The following VAMP8 variants were observed in gnomAD, a reference collection of about 807,000 sequenced individuals.
The protein encoded by VAMP8 is vesicle associated membrane protein 8, also known as vesicle-associated membrane protein 8.
A neutral mutation model predicts 11.4 loss-of-function variants in VAMP8; 9 were observed. That is an observed-to-expected ratio of 0.79 (90% CI 0.48 to 1.38). VAMP8 has a LOEUF of 1.38. VAMP8 is among the 40% of genes most tolerant of loss of function. The probability of loss-of-function intolerance (pLI) is 0.00; values close to 1 mark genes in which losing one functional copy is unlikely to be tolerated. For synonymous variants in VAMP8, 42 were observed against 44.7 expected (o/e 0.94, Z 0.24); for missense variants, 108 against 127.8 (o/e 0.85, Z 0.75).
chr2:85,581,108 G>C (rs1210797887), intron 2 of VAMP8, among the ~76,000 whole-genome samples: 2 of 152,176 alleles, frequency 1.3e-5, no homozygotes, highest in African/African-American at 4.8e-5. Context: ...TTGAGCCCTG[G>C]AGATGGAAGC....
Position 85,581,947 on chromosome 2 carries a change from T to G in VAMP8, c.*231T>G. 1.8e-6 allele frequency: 1 copy of G among 571,178 alleles called. No individual in the cohort carries two copies. The highest frequency in any genetic ancestry group is 3.0e-6 in the Non-Finnish European group (1 of 330,538). The allele number at this position is 571,178 out of a possible 1,614,324, so 35.4% of individuals were successfully genotyped here. A position where few individuals can be genotyped will look rare whatever the true frequency, so the allele number is the denominator to read the frequency against. ...GGCTGCATTTCTTGGGTCCTTAGAG[T>G]GGGCTGGAGAGACCTAGAGGGCCCA... On this transcript the variant is annotated 3_prime_UTR_variant, in exon 3 of 3. Transcript: ENST00000263864.
In VAMP8 at chr2:85,581,564, T is replaced by A; in HGVS notation, c.163-12T>A. ...AGCCACTGGGTCACTCACTCTGCCT[T>A]TTCCCCAACAGTCTGAGCACTTCAA... On this transcript the variant is annotated splice_polypyrimidine_tract_variant and intron_variant, in intron 2 of 2. Coordinates refer to ENST00000263864, the MANE Select transcript of VAMP8 (RefSeq NM_003761.5). The A allele has an allele frequency of 6.2e-7, 1 of 1,613,972 alleles. No individual in the cohort carries two copies. The highest frequency in any genetic ancestry group is 1.1e-5 in the South Asian group (1 of 91,078).
rs577290122 is a variant in VAMP8, at chr2:85,581,892, G to A, written c.*176G>A. ...GCCCCAGAAGGTACCTTGGTCCCCC[G>A]GAAGGAGAGAAAAAAGAGAGATGGA... On this transcript the variant is annotated 3_prime_UTR_variant, in exon 3 of 3. Coordinates refer to ENST00000263864, the MANE Select transcript of VAMP8 (RefSeq NM_003761.5). 109 of 832,886 alleles carry A rather than the reference G, an allele frequency of 1.3e-4. No individual in the cohort carries two copies. The African/African-American group carries it at 1.6e-3, about 12-fold the overall frequency. 51.6% of individuals were successfully genotyped at this position (832,886 alleles called of 1,614,324 possible). A position where few individuals can be genotyped will look rare whatever the true frequency, so the allele number is the denominator to read the frequency against.
rs1234303326 is a variant in VAMP8, at chr2:85,579,041, T to G, written c.36T>G (p.Arg12=). The part of the protein sequence containing the change: ...EEASEGGGND[R]VRNLQSEVEG... ...CCAGTGAAGGTGGAGGAAATGATCG[T>G]GTGCGGAACCTGCAAAGTGAGGTGG... The change falls in exon 2 of 3, where the codon CGT becomes CGG. Residue 12 remains arginine, a synonymous_variant. Transcript: ENST00000263864. 2 of 1,607,652 alleles carry G rather than the reference T, an allele frequency of 1.2e-6. No homozygotes were observed. Among genetic ancestry groups the G allele is most frequent in the South Asian group, 1.1e-5 (1 of 89,854 alleles).
At chr2:85,580,100 A>AC (rs1000301061) in intron 2 of VAMP8, among the ~76,000 whole-genome samples, 4 of 151,550 alleles carry the variant, frequency 2.6e-5, no homozygotes, top group Non-Finnish European at 4.4e-5. Flanking sequence ...TACAGTGTGC[A>AC]CCCCCACACC....
chr2:85,579,420 G>A (rs1030462140), intron 2 of VAMP8, among the ~76,000 whole-genome samples: 14 of 152,312 alleles, frequency 9.2e-5, no homozygotes, highest in Admixed American at 5.2e-4. Flanking sequence ...TTCTGAGACC[G>A]AAAGCTCAGT....
chr2:85,581,541 C>T lies in VAMP8; in HGVS notation c.163-35C>T, dbSNP rs200218524. Reference sequence around the variant, plus strand: ...TATAATCTTGTTCCAGTGGGAGGAGCCACTGGGTCACTCACTCTGCCTTTT... The same window carrying T: ...TATAATCTTGTTCCAGTGGGAGGAGTCACTGGGTCACTCACTCTGCCTTTT... On this transcript the variant is annotated intron_variant, in intron 2 of 2. Coordinates refer to ENST00000263864, the MANE Select transcript of VAMP8 (RefSeq NM_003761.5). 3.7e-6 allele frequency: 6 copies of T among 1,612,394 alleles called. No individual in the cohort carries two copies. In the Admixed American group the frequency reaches 1.0e-4, roughly 27 times the overall value.
At chr2:85,579,766 A>G in intron 2 of VAMP8, 1 of 1,550,766 alleles carries the variant, frequency 6.4e-7, no homozygotes, top group Non-Finnish European at 8.7e-7. Context: ...CAGCTGTTTC[A>G]GGGAGGAAGT....
rs1369436696 is a variant in VAMP8 at position 85,578,925 on chromosome 2, G to A, written c.4-84G>A. On this transcript the variant is annotated intron_variant, in intron 1 of 2. Transcript: ENST00000263864. The stretch of plus-strand genomic sequence containing the variant: ...TTTTACAAAAAGCTTAAGTCTGCCT[G>A]AGGCCTTACCCTCCCCAGATCTCTG... 19 of 1,451,616 alleles carry A rather than the reference G, an allele frequency of 1.3e-5. No homozygotes were observed. In the East Asian group the frequency reaches 2.7e-4, roughly 21 times the overall value. 89.9% of individuals were successfully genotyped at this position (1,451,616 alleles called of 1,614,324 possible).
rs1385643902 is a variant in VAMP8, at chr2:85,579,050, C to G, written c.45C>G (p.Asn15Lys). 7.5e-6 allele frequency: 12 copies of G among 1,608,242 alleles called. No homozygotes were observed. Among genetic ancestry groups the G allele is most frequent in the Non-Finnish European group, 1.0e-5 (12 of 1,177,058 alleles). Residue 15 changes from asparagine (N) to lysine (K), a missense_variant, in exon 2 of 3, where the codon AAC becomes AAG. Asn to Lys is a moderately conservative substitution (Grantham distance 94). Transcript: ENST00000263864. ...SEGGGNDRVR[N>K]LQSEVEGVKN... ...GTGGAGGAAATGATCGTGTGCGGAACCTGCAAAGTGAGGTGGAGGGAGTTA... is the reference window on the plus strand; with the variant it reads ...GTGGAGGAAATGATCGTGTGCGGAAGCTGCAAAGTGAGGTGGAGGGAGTTA...
chr2:85,579,687 G>T (rs895973683), intron 2 of VAMP8: 14 of 1,536,096 alleles, frequency 9.1e-6, no homozygotes, highest in Non-Finnish European at 1.1e-5. Context: ...CTAGATGAAG[G>T]CTAAAATAAT....
intron 2 of VAMP8, among the ~76,000 whole-genome samples, chr2:85,580,101 C>A (rs538369555): frequency 6.6e-6 from 1 of 152,058 alleles, no homozygotes; most frequent in South Asian, 2.1e-4. Context: ...ACAGTGTGCA[C>A]CCCCACACCT....
intron 2 of VAMP8, 115 bp from the exon 3 acceptor site, chr2:85,581,461 G>C: frequency 7.6e-7 from 1 of 1,310,556 alleles, no homozygotes; most frequent in Non-Finnish European, 1.0e-6. Flanking sequence ...GACAGAGCGA[G>C]ACTCCATCTC....
chr2:85,580,128 T>C (rs899334812), intron 2 of VAMP8, among the ~76,000 whole-genome samples: 1 of 152,058 alleles, frequency 6.6e-6, no homozygotes, highest in Middle Eastern at 3.2e-3. Flanking sequence ...TTTTTTGTAT[T>C]TTTAGTAGAG....
Position 85,577,621 on chromosome 2 carries a change from C to T in VAMP8, c.-26C>T, listed in dbSNP as rs1373988372. 1.3e-5 allele frequency: 20 copies of T among 1,551,908 alleles called. No individual in the cohort carries two copies. Among genetic ancestry groups the T allele is most frequent in the Non-Finnish European group, 1.7e-5 (19 of 1,147,250 alleles). ...GAAGCCGACTAGGCGAATTCACTTA[C>T]TGACCGGCCTGGGCTGCTCTGAGAC... is the stretch of plus-strand genomic sequence containing the variant. On this transcript the variant is annotated 5_prime_UTR_variant, in exon 1 of 3. Transcript: ENST00000263864.
Position 85,579,055 on chromosome 2 carries a change from A to G in VAMP8, c.50A>G (p.Gln17Arg). 2 of 1,608,726 alleles carry G rather than the reference A, an allele frequency of 1.2e-6. No individual in the cohort carries two copies. Among genetic ancestry groups the G allele is most frequent in the Non-Finnish European group, 1.7e-6 (2 of 1,177,226 alleles). ...GGAAATGATCGTGTGCGGAACCTGC[A>G]AAGTGAGGTGGAGGGAGTTAAGAAT... ...GGGNDRVRNLQSEVEGVKNIM... is the reference protein window; with the variant it reads ...GGGNDRVRNLRSEVEGVKNIM... The change falls in exon 2 of 3, where the codon CAA (glutamine) becomes CGA (arginine). Residue 17 changes from glutamine (Q) to arginine (R), a missense_variant. By Grantham distance (43) the Gln-to-Arg change is conservative. Transcript: ENST00000263864.
intron 2 of VAMP8, among the ~76,000 whole-genome samples, chr2:85,579,467 T>C (rs551712319): frequency 1.3e-5 from 2 of 152,206 alleles, no homozygotes; most frequent in African/African-American, 4.8e-5. Flanking sequence ...CCCGGGAAAC[T>C]TGTTTTCCCT....
intron 1 of VAMP8, among the ~76,000 whole-genome samples, chr2:85,577,930 AGTT>A (rs942783946): frequency 1.1e-4 from 16 of 152,010 alleles, no homozygotes; most frequent in Non-Finnish European, 2.1e-4. Context: ...CCAGGCAAAG[AGTT>A]GTTGTGCCTT....
rs1672384376 is a variant in VAMP8, at chr2:85,581,836, C to T, written c.*120C>T. 3 of 1,398,476 alleles carry T rather than the reference C, an allele frequency of 2.1e-6. No homozygotes were observed. Among genetic ancestry groups the T allele is most frequent in the East Asian group, 4.6e-5 (2 of 43,608 alleles). The allele number at this position is 1,398,476 out of a possible 1,614,324, so 86.6% of individuals were successfully genotyped here. A position where few individuals can be genotyped will look rare whatever the true frequency, so the allele number is the denominator to read the frequency against. ...AGAATGCTGCTCGGTCCTCCTACCC[C>T]TCTTCCCGAGGCCCTGCTGCCATGT... On this transcript the variant is annotated 3_prime_UTR_variant, in exon 3 of 3. Coordinates refer to ENST00000263864, the MANE Select transcript of VAMP8 (RefSeq NM_003761.5).
Sources: gnomAD v4.1 joint callset for allele counts (sites outside exome capture counted in the v4.1 genomes callset) on GRCh38, gnomAD v4.1.1 for gene constraint, MANE v1.5 for transcripts, NCBI Gene and HGNC (gene_info 2026-07-23, HGNC 2026-07-21) for gene names.